The following SCHIP1 variants were observed in gnomAD, a reference collection of about 807,000 sequenced individuals.
The protein encoded by SCHIP1 is schwannomin interacting protein 1.
A neutral mutation model predicts 29.7 loss-of-function variants in SCHIP1; 8 were observed. The ratio of observed to expected loss-of-function variants is 0.27; its 90% CI spans 0.16 to 0.49. SCHIP1 has a LOEUF of 0.49. SCHIP1 is among the 20% of genes least tolerant of loss of function. The pLI, the probability that SCHIP1 is intolerant of heterozygous loss-of-function variation, is 0.99. For missense variants in SCHIP1, 193 were observed against 294.6 expected, an observed-to-expected ratio of 0.66 and a Z score of 2.52; for synonymous variants, 76 against 94.9, an observed-to-expected ratio of 0.80 and a Z score of 1.16.
At chr3:159,463,311 G>A in the SCHIP1 span, among the ~76,000 whole-genome samples, 1 of 151,858 alleles carries the variant, frequency 6.6e-6, no homozygotes, top group African/African-American at 2.4e-5. Flanking sequence ...TATAATAGAG[G>A]CAAATTTTAG....
the SCHIP1 span, among the ~76,000 whole-genome samples, chr3:159,834,107 T>A: frequency 6.6e-6 from 1 of 152,200 alleles, no homozygotes; most frequent in African/African-American, 2.4e-5. Flanking sequence ...TGTTTTACAT[T>A]ACTCCCATTT....
the SCHIP1 span, among the ~76,000 whole-genome samples, chr3:159,470,504 G>GC: frequency 6.6e-6 from 1 of 152,034 alleles, no homozygotes; most frequent in East Asian, 1.9e-4. Flanking sequence ...TAACAACAGA[G>GC]CTATAATGGG....
chr3:159,395,307 G>A, the SCHIP1 span, among the ~76,000 whole-genome samples: 1 of 151,880 alleles, frequency 6.6e-6, no homozygotes, highest in Non-Finnish European at 1.5e-5. Flanking sequence ...GGTTTTTTGT[G>A]TCTCTATTTC....
the SCHIP1 span, among the ~76,000 whole-genome samples, chr3:159,737,988 T>G: frequency 6.6e-6 from 1 of 152,208 alleles, no homozygotes; most frequent in African/African-American, 2.4e-5. Flanking sequence ...TTGAAAGACA[T>G]GTATTTAAGT....
chr3:159,423,766 C>T, the SCHIP1 span, among the ~76,000 whole-genome samples: 2 of 152,110 alleles, frequency 1.3e-5, no homozygotes, highest in African/African-American at 4.8e-5. Flanking sequence ...TCAAGTGGGT[C>T]CCTGACCCCT....
chr3:159,646,788 C>A, the SCHIP1 span, among the ~76,000 whole-genome samples: 60 of 152,172 alleles, frequency 3.9e-4, no homozygotes, highest in Non-Finnish European at 7.4e-4. Context: ...GGCACACAGG[C>A]AAAAGTGCTC....
the SCHIP1 span, among the ~76,000 whole-genome samples, chr3:159,374,336 G>A: frequency 2.0e-5 from 3 of 152,098 alleles, no homozygotes; most frequent in African/African-American, 7.2e-5. Context: ...GAGGTGAGCA[G>A]GGTGATGGCA....
At chr3:159,405,891 A>G in the SCHIP1 span, among the ~76,000 whole-genome samples, 8 of 151,542 alleles carry the variant, frequency 5.3e-5, no homozygotes, top group East Asian at 1.9e-4. Context: ...AAAAAAAAAA[A>G]AAAAGAAAAG....
the SCHIP1 span, among the ~76,000 whole-genome samples, chr3:159,623,065 T>C: frequency 7.9e-5 from 12 of 152,194 alleles, no homozygotes; most frequent in Admixed American, 1.3e-4. Context: ...AGAAAAACAT[T>C]GATTGAACCA....
chr3:159,745,665 A>G, the SCHIP1 span, among the ~76,000 whole-genome samples: 1 of 152,164 alleles, frequency 6.6e-6, no homozygotes, highest in East Asian at 1.9e-4. Flanking sequence ...TTTAAAATTG[A>G]ATTTCCTTTA....
the SCHIP1 span, among the ~76,000 whole-genome samples, chr3:159,315,181 CT>C: frequency 1.4e-5 from 2 of 143,322 alleles, no homozygotes; most frequent in Non-Finnish European, 1.5e-5. Context: ...TACTATCAGT[CT>C]TTTTTTTAGG....
chr3:159,661,515 C>A, the SCHIP1 span, among the ~76,000 whole-genome samples: 1 of 152,112 alleles, frequency 6.6e-6, no homozygotes. Context: ...TATCGTGCAA[C>A]ATATGACACA....
the SCHIP1 span, among the ~76,000 whole-genome samples, chr3:159,577,540 T>A: frequency 1.3e-5 from 2 of 152,208 alleles, no homozygotes; most frequent in African/African-American, 4.8e-5. Flanking sequence ...CTCCTTTTTA[T>A]GTGTATGAAT....
the SCHIP1 span, among the ~76,000 whole-genome samples, chr3:159,412,704 C>A: frequency 2.0e-5 from 3 of 152,074 alleles, no homozygotes; most frequent in South Asian, 2.1e-4. Flanking sequence ...AGGCAAGAAC[C>A]TTTATGTTAA....
the SCHIP1 span, among the ~76,000 whole-genome samples, chr3:159,382,091 C>CT: frequency 8.5e-3 from 1,219 of 143,996 alleles, 14 homozygotes; most frequent in African/African-American, 0.028. Context: ...GCCACACTTA[C>CT]TTTTTTTTTT....
chr3:159,658,198 T>C, the SCHIP1 span, among the ~76,000 whole-genome samples: 4 of 152,070 alleles, frequency 2.6e-5, no homozygotes, highest in African/African-American at 4.8e-5. Flanking sequence ...CTGATGTTCT[T>C]CCCAATTCAA....
At chr3:159,877,221 G>T (rs2109347816) in intron 2 of SCHIP1, among the ~76,000 whole-genome samples, 1 of 152,210 alleles carries the variant, frequency 6.6e-6, no homozygotes, top group African/African-American at 2.4e-5. Context: ...GTGGTGGCGG[G>T]CGCCTATAAT....
chr3:159,503,573 C>T, the SCHIP1 span, among the ~76,000 whole-genome samples: 1 of 152,200 alleles, frequency 6.6e-6, no homozygotes, highest in African/African-American at 2.4e-5. Flanking sequence ...GGACTCAGTT[C>T]TTCTGGCTTA....
the SCHIP1 span, among the ~76,000 whole-genome samples, chr3:159,578,345 C>T: frequency 3.3e-5 from 5 of 152,152 alleles, no homozygotes; most frequent in South Asian, 6.2e-4. Flanking sequence ...TAAAATAAGC[C>T]ATCTTTTAAT....
Sources: gnomAD v4.1 joint callset for allele counts (sites outside exome capture counted in the v4.1 genomes callset) on GRCh38, gnomAD v4.1.1 for gene constraint, MANE v1.5 for transcripts, NCBI Gene and HGNC (gene_info 2026-07-23, HGNC 2026-07-21) for gene names.